Variants in IMMP2L observed in about 807,000 individuals in gnomAD.
The protein encoded by IMMP2L is inner mitochondrial membrane peptidase subunit 2.
IMMP2L carries 18 observed loss-of-function variants against 19.3 expected under a neutral mutation model. The observed-to-expected ratio is 0.93, with a 90% confidence interval of 0.64 to 1.38. IMMP2L has a LOEUF of 1.38. Among genes scored for constraint, IMMP2L ranks in the 40% most tolerant of loss-of-function variants. The pLI is 0.00. For missense variants in IMMP2L, 233 were observed against 218.2 expected (o/e 1.07, Z -0.43); for synonymous variants, 76 against 73.0 (o/e 1.04, Z -0.21).
At chr7:111,425,737 AAG>A (rs1465403375) in intron 3 of IMMP2L, among the ~76,000 whole-genome samples, 1 of 151,248 alleles carries the variant, frequency 6.6e-6, no homozygotes, top group Admixed American at 6.6e-5. Context: ...TCAGTAAAGA[AAG>A]AGGAATCAGC....
At chr7:111,309,929 T>G (rs1420797204) in intron 3 of IMMP2L, among the ~76,000 whole-genome samples, 1 of 152,106 alleles carries the variant, frequency 6.6e-6, no homozygotes, top group Non-Finnish European at 1.5e-5. Flanking sequence ...CCTATGCATT[T>G]ATTTTGTGCA....
chr7:110,957,010 T>G (rs1453182468), intron 4 of IMMP2L, among the ~76,000 whole-genome samples: 1 of 152,002 alleles, frequency 6.6e-6, no homozygotes, highest in African/African-American at 2.4e-5. Flanking sequence ...GTGGAACTAA[T>G]GGGTCTAAGT....
Position 111,371,695 on chromosome 7 carries a change from AAAAGT to A in IMMP2L, c.239+115538_239+115542del, listed in dbSNP as rs531976703. On this transcript the variant is annotated intron_variant, in intron 3 of 5. Coordinates refer to ENST00000405709, the MANE Select transcript of IMMP2L (RefSeq NM_032549.4). ...TGTTAAGGCATTGCATTAAAGGCAC[AAAAGT>A]AAAGTAAACACTGGCAAATATATAT... Among the ~76,000 whole-genome samples the A allele has an allele frequency of 5.5e-3, 840 of 152,176 alleles. 14 individuals carry two copies. The highest frequency in any genetic ancestry group is 0.018 in the African/African-American group (767 of 41,548).
chr7:111,049,241 C>T (rs1466519019), intron 3 of IMMP2L, among the ~76,000 whole-genome samples: 3 of 148,248 alleles, frequency 2.0e-5, no homozygotes, highest in Non-Finnish European at 4.5e-5. Flanking sequence ...CGCCATTCTT[C>T]TGCCTCAGCC....
intron 3 of IMMP2L, among the ~76,000 whole-genome samples, chr7:111,156,057 C>A (rs1264091443): frequency 1.3e-5 from 2 of 151,858 alleles, no homozygotes; most frequent in Admixed American, 6.6e-5. Flanking sequence ...CTTTTCATTG[C>A]TCTATAGAAT....
intron 3 of IMMP2L, among the ~76,000 whole-genome samples, chr7:111,310,130 G>A (rs372609950): frequency 2.5e-3 from 374 of 151,802 alleles, no homozygotes; most frequent in African/African-American, 7.1e-3. Context: ...AGCTACTCGC[G>A]GGGCTGAGGC....
Position 111,217,126 on chromosome 7 carries a change from T to TCTCACACACA in IMMP2L, c.240-253562_240-253561insTGTGTGTGAG, listed in dbSNP as rs1472700586. Among the ~76,000 whole-genome samples, 352 of 124,056 alleles carry TCTCACACACA rather than the reference T, an allele frequency of 2.8e-3. 2 individuals are homozygous for TCTCACACACA. The highest frequency in any genetic ancestry group is 0.01 in the African/African-American group (323 of 31,810). 81.4% of individuals were successfully genotyped at this position (124,056 alleles called of 152,430 possible). A position where few individuals can be genotyped will look rare whatever the true frequency, so the allele number is the denominator to read the frequency against. ...CTCTCTCTCTCTCTCTCTCTCTCTCTCACACACACACACACACACACACAC... is the reference window on the plus strand; with the variant it reads ...CTCTCTCTCTCTCTCTCTCTCTCTCTCTCACACACACACACACACACACACACACACACAC... On this transcript the variant is annotated intron_variant, in intron 3 of 5. Transcript: ENST00000405709.
chr7:111,322,694 C>T (rs192926383), intron 3 of IMMP2L, among the ~76,000 whole-genome samples: 66 of 151,586 alleles, frequency 4.4e-4, no homozygotes, highest in African/African-American at 1.5e-3. Context: ...CGCAAAATCT[C>T]CCCAAGAAAC....
chr7:111,140,959 A>G (rs1193796770), intron 3 of IMMP2L, among the ~76,000 whole-genome samples: 1 of 152,200 alleles, frequency 6.6e-6, no homozygotes, highest in African/African-American at 2.4e-5. Context: ...GAAAATATCT[A>G]TGAGACATAG....
intron 3 of IMMP2L, among the ~76,000 whole-genome samples, chr7:111,097,953 A>C (rs1176371151): frequency 6.6e-6 from 1 of 151,854 alleles, no homozygotes. Flanking sequence ...TGAGAACAAA[A>C]AAGATAGAGC....
chr7:111,501,285 A>C (rs1844221180), intron 2 of IMMP2L, among the ~76,000 whole-genome samples: 1 of 152,144 alleles, frequency 6.6e-6, no homozygotes. Context: ...AAAGAATAAA[A>C]AGAAACAAAC....
chr7:111,050,847 G>T (rs947208008), intron 3 of IMMP2L, among the ~76,000 whole-genome samples: 1 of 152,170 alleles, frequency 6.6e-6, no homozygotes, highest in African/African-American at 2.4e-5. Context: ...AATCAGAACT[G>T]GGTCAGTTGA....
rs535038806 is a variant in IMMP2L, at chr7:110,732,489, G to A, written c.409-68768C>T. On this transcript the variant is annotated intron_variant, in intron 5 of 5. Transcript: ENST00000405709. ...GATTTGAGAGCTTGAAATAGATATG[G>A]TACTGAATTCATTTGCTCTGAGGAA... Among the ~76,000 whole-genome samples, 172 of 152,080 alleles carry A rather than the reference G, an allele frequency of 1.1e-3. 1 individual carries two copies. Among genetic ancestry groups the A allele is most frequent in the African/African-American group, 3.8e-3 (158 of 41,434 alleles).
At chr7:111,009,623 A>C (rs1223493567) in intron 3 of IMMP2L, among the ~76,000 whole-genome samples, 1 of 152,208 alleles carries the variant, frequency 6.6e-6, no homozygotes, top group East Asian at 1.9e-4. Flanking sequence ...CTGAAAATGT[A>C]TATGTTATAT....
rs184581603 is a variant in IMMP2L at position 110,876,709 on chromosome 7, A to T, written c.408+9884T>A. Among the ~76,000 whole-genome samples the T allele has an allele frequency of 2.5e-3, 374 of 152,218 alleles. 2 individuals are homozygous for T. The highest frequency in any genetic ancestry group is 3.3e-3 in the Non-Finnish European group (226 of 68,002). ...TTACTACCACCTTTGCCTAATGCCTAATCATCTCCCATTTGAACCAATAGT... is the reference window on the plus strand; with the variant it reads ...TTACTACCACCTTTGCCTAATGCCTTATCATCTCCCATTTGAACCAATAGT... On this transcript the variant is annotated intron_variant, in intron 5 of 5. Transcript: ENST00000405709.
intron 5 of IMMP2L, among the ~76,000 whole-genome samples, chr7:110,696,057 T>C (rs192687597): frequency 1.3e-5 from 2 of 152,248 alleles, no homozygotes; most frequent in East Asian, 3.9e-4. Flanking sequence ...AAAAGCTCCA[T>C]AAACATTTGC....
At chr7:111,469,546 GCTCT>G (rs1272516322) in intron 3 of IMMP2L, among the ~76,000 whole-genome samples, 1 of 151,866 alleles carries the variant, frequency 6.6e-6, no homozygotes, top group African/African-American at 2.4e-5. Flanking sequence ...TCATGATTTG[GCTCT>G]CTGTTTGTCT....
At chr7:110,735,396 TTG>T (rs1796549484) in intron 5 of IMMP2L, among the ~76,000 whole-genome samples, 1 of 152,056 alleles carries the variant, frequency 6.6e-6, no homozygotes, top group Admixed American at 6.6e-5. Context: ...ACCTCATTCT[TTG>T]TGTGTCCACA....
intron 3 of IMMP2L, chr7:111,391,795 A>C (rs778833597): frequency 1.5e-6 from 1 of 678,854 alleles, no homozygotes; most frequent in South Asian, 1.5e-5. Flanking sequence ...GAGTTCAAGG[A>C]AACCTGAATA....
Sources: allele counts gnomAD v4.1 joint callset (sites outside exome capture counted in the v4.1 genomes callset), GRCh38; gene constraint gnomAD v4.1.1; transcripts MANE v1.5; gene names NCBI Gene and HGNC (gene_info 2026-07-23, HGNC 2026-07-21).